The following CLUL1 variants were observed in gnomAD, a reference collection of about 807,000 sequenced individuals.
CLUL1 encodes clusterin-like protein 1.
CLUL1 carries 43 observed loss-of-function variants against 49.4 expected under a neutral mutation model. The ratio of observed to expected loss-of-function variants is 0.87; its 90% CI spans 0.68 to 1.12. The LOEUF (loss-of-function observed/expected upper bound fraction) is 1.12, where lower values mean the gene tolerates loss of function less well. Among genes scored for constraint, CLUL1 ranks in the 50% most tolerant of loss-of-function variants. The probability of loss-of-function intolerance (pLI) is 0.00; values close to 1 mark genes in which losing one functional copy is unlikely to be tolerated. For synonymous variants in CLUL1, 192 were observed against 184.9 expected (o/e 1.04, Z -0.31); for missense variants, 486 against 544.4 (o/e 0.89, Z 1.07).
chr18:637,828 G>T (rs1425953677), intron 7 of CLUL1, among the ~76,000 whole-genome samples: 2 of 152,064 alleles, frequency 1.3e-5, no homozygotes, highest in East Asian at 3.8e-4. Flanking sequence ...ACAAAAATTA[G>T]CCAGATATGG....
chr18:648,718 A>C (rs2074588522), intron 9 of CLUL1, among the ~76,000 whole-genome samples: 1 of 152,164 alleles, frequency 6.6e-6, no homozygotes. Flanking sequence ...TTGCAGTGGC[A>C]TGATCTCGGC....
intron 7 of CLUL1, among the ~76,000 whole-genome samples, chr18:634,440 A>G (rs972687063): frequency 2.0e-5 from 3 of 152,166 alleles, no homozygotes; most frequent in Non-Finnish European, 4.4e-5. Context: ...CCTGGTTTAT[A>G]AACTTTTATT....
chr18:629,635 G>A (rs535621260), intron 6 of CLUL1, among the ~76,000 whole-genome samples: 15 of 152,200 alleles, frequency 9.9e-5, no homozygotes, highest in African/African-American at 1.9e-4. Context: ...GCCCCTCTGC[G>A]CCACTTCCAT....
chr18:621,408 C>G (rs1232016903), intron 4 of CLUL1, among the ~76,000 whole-genome samples: 1 of 152,210 alleles, frequency 6.6e-6, no homozygotes, highest in Admixed American at 6.5e-5. Flanking sequence ...GCAGCCTCAC[C>G]TACTGCCCTG....
chr18:599,624 T>A (rs2072762368), intron 1 of CLUL1, among the ~76,000 whole-genome samples: 1 of 152,146 alleles, frequency 6.6e-6, no homozygotes, highest in Admixed American at 6.5e-5. Flanking sequence ...TCAACGACTG[T>A]CATAAAGATA....
chr18:619,690 G>A (rs2073428038), intron 4 of CLUL1, among the ~76,000 whole-genome samples: 1 of 151,642 alleles, frequency 6.6e-6, no homozygotes, highest in Non-Finnish European at 1.5e-5. Context: ...TACTAGATCA[G>A]TGGTCTCCAG....
chr18:609,306 C>G (rs889685688), intron 2 of CLUL1, among the ~76,000 whole-genome samples: 8 of 152,166 alleles, frequency 5.3e-5, no homozygotes, highest in African/African-American at 1.9e-4. Flanking sequence ...TACTGACAAG[C>G]AATCATTTTC....
rs537919351 is a variant in CLUL1 at position 614,097 on chromosome 18, A to G, written c.-13-3891A>G. ...AGACAATCGTGTGGCAAGGAAGTTG[A>G]TGCAATTTGACCTCTTAAGTCAGTG... On this transcript the variant is annotated intron_variant, in intron 2 of 9. Coordinates refer to ENST00000692774, the MANE Select transcript of CLUL1 (RefSeq NM_001393344.1). Among the ~76,000 whole-genome samples, 53 of 152,290 alleles carry G rather than the reference A, an allele frequency of 3.5e-4. 1 individual carries two copies. In the South Asian group the frequency reaches 9.5e-3, roughly 27 times the overall value.
chr18:634,950 A>T (rs1256652293), intron 7 of CLUL1, among the ~76,000 whole-genome samples: 1 of 152,142 alleles, frequency 6.6e-6, no homozygotes, highest in Non-Finnish European at 1.5e-5. Flanking sequence ...ATTTTATCTC[A>T]CTAAAGCCCT....
intron 1 of CLUL1, among the ~76,000 whole-genome samples, chr18:597,401 G>A (rs796082725): frequency 2.0e-5 from 3 of 152,308 alleles, no homozygotes; most frequent in East Asian, 3.9e-4. Flanking sequence ...TAGAGGCGGG[G>A]AGACACACCA....
chr18:611,657 G>C (rs1054737113), intron 2 of CLUL1, among the ~76,000 whole-genome samples: 2 of 152,152 alleles, frequency 1.3e-5, no homozygotes, highest in Admixed American at 1.3e-4. Context: ...AAGTTGGAGA[G>C]GTAAGAGGAG....
Position 606,857 on chromosome 18 carries a change from C to A in CLUL1, c.-135-121C>A. Reference sequence around the variant, plus strand: ...GCATCTGCCTTCCCCCACCAGCACCCCCCACAAGGCAAGGCCAGTTCACCC... The same window carrying A: ...GCATCTGCCTTCCCCCACCAGCACCACCCACAAGGCAAGGCCAGTTCACCC... On this transcript the variant is annotated intron_variant, in intron 1 of 9. Coordinates refer to ENST00000692774, the MANE Select transcript of CLUL1 (RefSeq NM_001393344.1). This position sits in a 1 kb window ranked among gnomAD's most constrained non-coding sequence, Gnocchi z 4.1. 2.0e-6 allele frequency: 1 copy of A among 505,572 alleles called. No individual in the cohort carries two copies. The highest frequency in any genetic ancestry group is 3.5e-6 in the Non-Finnish European group (1 of 285,092). The allele number at this position is 505,572 out of a possible 1,614,324, so 31.3% of individuals were successfully genotyped here.
chr18:628,620 ATTTTTC>A (rs1260648913), intron 6 of CLUL1, among the ~76,000 whole-genome samples: 2 of 145,160 alleles, frequency 1.4e-5, no homozygotes, highest in African/African-American at 5.1e-5. Context: ...CCTTCTATCT[ATTTTTC>A]TTTTTCTTTT....
intron 1 of CLUL1, among the ~76,000 whole-genome samples, chr18:597,349 T>A (rs1421398081): frequency 3.9e-5 from 6 of 152,198 alleles, no homozygotes; most frequent in Non-Finnish European, 7.4e-5. Flanking sequence ...TCCTGGGCTG[T>A]TCCAATACGT....
At chr18:648,866 C>T (rs995505613) in intron 9 of CLUL1, among the ~76,000 whole-genome samples, 3 of 152,028 alleles carry the variant, frequency 2.0e-5, no homozygotes, top group Non-Finnish European at 4.4e-5. Context: ...CCATGTTGGC[C>T]GGGCTGGTCT....
chr18:602,441 G>A (rs932732241), intron 1 of CLUL1, among the ~76,000 whole-genome samples: 3 of 152,128 alleles, frequency 2.0e-5, no homozygotes, highest in South Asian at 4.1e-4. Context: ...TCATTTTGGC[G>A]TGGCAGCTCT....
At chr18:639,589 A>T (rs1048535440) in intron 7 of CLUL1, among the ~76,000 whole-genome samples, 1 of 151,296 alleles carries the variant, frequency 6.6e-6, no homozygotes, top group African/African-American at 2.4e-5. Context: ...GCATGGTGAA[A>T]CCCCGTCTCT....
At chr18:600,555 T>C (rs1419399352) in intron 1 of CLUL1, among the ~76,000 whole-genome samples, 1 of 152,194 alleles carries the variant, frequency 6.6e-6, no homozygotes, top group East Asian at 1.9e-4. Context: ...GCGAGGTGTT[T>C]GGAAATACAC....
chr18:600,119 C>T (rs1475476188), intron 1 of CLUL1, among the ~76,000 whole-genome samples: 1 of 152,104 alleles, frequency 6.6e-6, no homozygotes, highest in South Asian at 2.1e-4. Flanking sequence ...CTGAACTCAG[C>T]AGTTGGGTTT....
Sources: gnomAD v4.1 joint callset for allele counts (sites outside exome capture counted in the v4.1 genomes callset) on GRCh38, gnomAD v4.1.1 for gene constraint, Gnocchi (gnomAD v3.1) non-coding constraint, MANE v1.5 for transcripts, NCBI Gene and HGNC (gene_info 2026-07-23, HGNC 2026-07-21) for gene names.